OLFM3: variants seen among roughly 807,000 people sequenced by gnomAD.
The protein encoded by OLFM3 is noelin-3.
In OLFM3, 20 loss-of-function variants were observed where a neutral mutation model predicts 48.6. That is an observed-to-expected ratio of 0.41 (90% CI 0.29 to 0.60). The LOEUF (loss-of-function observed/expected upper bound fraction) is 0.60. Among genes scored for constraint, OLFM3 ranks in the 20% least tolerant of loss-of-function variants. The probability of loss-of-function intolerance (pLI) is 0.28; values close to 1 mark genes in which losing one functional copy is unlikely to be tolerated. For synonymous variants in OLFM3, 222 were observed against 198.1 expected (o/e 1.12, Z -1.01); for missense variants, 437 against 544.3 (o/e 0.80, Z 1.96).
At chr1:101,939,910 A>T (rs1659735453) in intron 1 of OLFM3, among the ~76,000 whole-genome samples, 1 of 152,182 alleles carries the variant, frequency 6.6e-6, no homozygotes, top group Non-Finnish European at 1.5e-5. Flanking sequence ...CACAGTGCTT[A>T]TCCTTCCATT....
chr1:101,808,915 A>G (rs368880202), intron 4 of OLFM3, among the ~76,000 whole-genome samples: 14 of 151,996 alleles, frequency 9.2e-5, no homozygotes, highest in African/African-American at 2.9e-4. Flanking sequence ...GTACCTTCTA[A>G]GAGATTTGTA....
chr1:101,972,693 T>C (rs1660839065), intron 1 of OLFM3, among the ~76,000 whole-genome samples: 1 of 152,160 alleles, frequency 6.6e-6, no homozygotes. Context: ...TATAAAAGAT[T>C]CACAACTATA....
At chr1:101,833,920 C>T (rs1399432595) in intron 2 of OLFM3, among the ~76,000 whole-genome samples, 1 of 152,044 alleles carries the variant, frequency 6.6e-6, no homozygotes, top group Non-Finnish European at 1.5e-5. Context: ...AGGATGATGG[C>T]AGTGTCCTAT....
In OLFM3 at chr1:101,880,410, G is replaced by A. The variant is rs145425794; in HGVS notation, c.70-43385C>T. On this transcript the variant is annotated intron_variant, in intron 1 of 5. Coordinates refer to ENST00000370103, the MANE Select transcript of OLFM3 (RefSeq NM_058170.4). The stretch of plus-strand genomic sequence containing the variant: ...TGAGTATTTCATAGGAAAGCTGACT[G>A]CTGCTGTAAAGTGCTCTTTAAATCT... Among the ~76,000 whole-genome samples the A allele has an allele frequency of 1.9e-3, 289 of 151,972 alleles. 2 individuals are homozygous for A. Among genetic ancestry groups the A allele is most frequent in the African/African-American group, 6.7e-3 (279 of 41,518 alleles).
At chr1:101,944,341 A>C (rs1659890323) in intron 1 of OLFM3, among the ~76,000 whole-genome samples, 1 of 152,154 alleles carries the variant, frequency 6.6e-6, no homozygotes, top group Admixed American at 6.5e-5. Flanking sequence ...CTTCATTGTA[A>C]TAATAATCCA....
intron 1 of OLFM3, among the ~76,000 whole-genome samples, chr1:101,888,436 T>C (rs1657856741): frequency 6.6e-6 from 1 of 152,178 alleles, no homozygotes; most frequent in Non-Finnish European, 1.5e-5. Context: ...CTGGGAAAAC[T>C]GGCTAGGCAT....
intron 1 of OLFM3, among the ~76,000 whole-genome samples, chr1:101,907,116 G>A (rs1379040388): frequency 6.6e-6 from 1 of 152,046 alleles, no homozygotes; most frequent in Non-Finnish European, 1.5e-5. Context: ...CTTAGACCAG[G>A]TTTCCATTAC....
chr1:101,960,500 G>A (rs1660434799), intron 1 of OLFM3, among the ~76,000 whole-genome samples: 1 of 152,112 alleles, frequency 6.6e-6, no homozygotes, highest in Non-Finnish European at 1.5e-5. Context: ...CAACATTTCT[G>A]TTCTACTAGC....
At chr1:101,939,993 G>GA (rs77789892) in intron 1 of OLFM3, among the ~76,000 whole-genome samples, 7 of 152,014 alleles carry the variant, frequency 4.6e-5, no homozygotes, top group African/African-American at 7.3e-5. Context: ...AAATTATGGT[G>GA]AAAAAATATA....
chr1:101,952,478 T>C (rs1449855911), intron 1 of OLFM3, among the ~76,000 whole-genome samples: 1 of 152,110 alleles, frequency 6.6e-6, no homozygotes, highest in Non-Finnish European at 1.5e-5. Context: ...ATAGAATCAA[T>C]GCTAGTAAAT....
chr1:101,931,808 CA>C (rs1270880288), intron 1 of OLFM3, among the ~76,000 whole-genome samples: 1 of 152,148 alleles, frequency 6.6e-6, no homozygotes, highest in East Asian at 1.9e-4. Context: ...TTCCATCTTA[CA>C]GGCACAAGAA....
Position 101,802,827 on chromosome 1 carries a change from T to G in OLFM3, c.*1411A>C, listed in dbSNP as rs909323026. The G allele has an allele frequency of 6.6e-6, 1 of 151,660 alleles. No individual in the cohort carries two copies. Among genetic ancestry groups the G allele is most frequent in the East Asian group, 1.9e-4 (1 of 5,162 alleles). The allele number at this position is 151,660 out of a possible 1,614,324, so 9.4% of individuals were successfully genotyped here. A position where few individuals can be genotyped will look rare whatever the true frequency, so the allele number is the denominator to read the frequency against. On this transcript the variant is annotated 3_prime_UTR_variant, in exon 6 of 6. Coordinates refer to ENST00000370103, the MANE Select transcript of OLFM3 (RefSeq NM_058170.4). ...TTTAAATTGTAAAACCAACCTATAT[T>G]AGTTTCCATAAAGCTGCCTTAGGGA...
intron 3 of OLFM3, among the ~76,000 whole-genome samples, chr1:101,827,210 T>C (rs927639115): frequency 8.5e-5 from 13 of 152,220 alleles, no homozygotes; most frequent in African/African-American, 3.1e-4. Context: ...CATATAAGAA[T>C]GTCAATCTCA....
intron 1 of OLFM3, among the ~76,000 whole-genome samples, chr1:101,945,376 A>G (rs1659929046): frequency 6.6e-6 from 1 of 151,846 alleles, no homozygotes; most frequent in Non-Finnish European, 1.5e-5. Context: ...GAATCTGAAA[A>G]TAATGCTGAG....
chr1:101,956,185 A>T (rs1248122253), intron 1 of OLFM3, among the ~76,000 whole-genome samples: 1 of 150,658 alleles, frequency 6.6e-6, no homozygotes, highest in Non-Finnish European at 1.5e-5. Flanking sequence ...TAAACTTTAC[A>T]GTGCTACCAT....
chr1:101,984,741 T>C (rs189282915), intron 1 of OLFM3, among the ~76,000 whole-genome samples: 5 of 152,334 alleles, frequency 3.3e-5, no homozygotes, highest in African/African-American at 9.6e-5. Flanking sequence ...TTTTATAATA[T>C]TTAGACCACA....
chr1:101,932,617 AAAAGC>A (rs575841180), intron 1 of OLFM3, among the ~76,000 whole-genome samples: 1 of 152,312 alleles, frequency 6.6e-6, no homozygotes, highest in Non-Finnish European at 1.5e-5. Context: ...GACAGAAGAT[AAAAGC>A]AAAGCAAAGC....
chr1:101,928,645 T>C (rs541758482), intron 1 of OLFM3, among the ~76,000 whole-genome samples: 1 of 152,256 alleles, frequency 6.6e-6, no homozygotes, highest in South Asian at 2.1e-4. Flanking sequence ...TCTAAGGGTG[T>C]GATAAGGGGT....
chr1:101,941,701 C>T (rs960240016), intron 1 of OLFM3, among the ~76,000 whole-genome samples: 1 of 152,142 alleles, frequency 6.6e-6, no homozygotes, highest in Non-Finnish European at 1.5e-5. Context: ...AGGTTGCTTA[C>T]ATTTTAACTC....
Sources: allele counts gnomAD v4.1 joint callset (sites outside exome capture counted in the v4.1 genomes callset), GRCh38; gene constraint gnomAD v4.1.1; transcripts MANE v1.5; gene names NCBI Gene and HGNC (gene_info 2026-07-23, HGNC 2026-07-21).